RNASET2: variants seen among roughly 807,000 people sequenced by gnomAD.
The protein encoded by RNASET2 is ribonuclease T2.
A neutral mutation model predicts 33.9 loss-of-function variants in RNASET2; 28 were observed. The observed-to-expected ratio is 0.83, with a 90% confidence interval of 0.61 to 1.13. RNASET2 has a LOEUF of 1.13. Ranked by LOEUF, RNASET2 falls within the 50% of genes most tolerant of loss-of-function variation. The probability of loss-of-function intolerance (pLI) is 0.00; values close to 1 mark genes in which losing one functional copy is unlikely to be tolerated. For missense variants in RNASET2, 330 were observed against 319.9 expected (o/e 1.03, Z -0.24); for synonymous variants, 123 against 121.0 (o/e 1.02, Z -0.11).
intron 7 of RNASET2, chr6:166,932,453 C>G (rs1778470399): frequency 6.6e-6 from 1 of 152,550 alleles, no homozygotes; most frequent in Non-Finnish European, 1.5e-5. Flanking sequence ...GCCCCCAGCC[C>G]CCAGCTCTGC....
intron 2 of RNASET2, 127 bp downstream of exon 2, chr6:166,952,360 GC>G: frequency 2.4e-6 from 2 of 831,202 alleles, no homozygotes; most frequent in Non-Finnish European, 4.2e-6. Flanking sequence ...AGGAGACACC[GC>G]CCACCCGCCA....
rs1208036022 is a variant in RNASET2 at position 166,938,925 on chromosome 6, A to G, written c.416T>C (p.Leu139Pro). 1 of 1,613,814 alleles carries G rather than the reference A, an allele frequency of 6.2e-7. No individual in the cohort carries two copies. Among genetic ancestry groups the G allele is most frequent in the Non-Finnish European group, 8.5e-7 (1 of 1,179,862 alleles). Residue 139 changes from leucine to proline, a missense_variant, in exon 6 of 9, where the codon CTG (leucine) becomes CCG (proline). Coordinates refer to ENST00000508775, the MANE Select transcript of RNASET2 (RefSeq NM_003730.6). ...NSQKKYFGRS[L>P]ELYRELDLNS... ...GAGGTCCAGCTCCCTGTAGAGTTCCAGGCTTCTGCCAAAGTACTTCTTCTG... is the reference window on the plus strand; with the variant it reads ...GAGGTCCAGCTCCCTGTAGAGTTCCGGGCTTCTGCCAAAGTACTTCTTCTG...
Position 166,931,115 on chromosome 6 carries a change from C to T in RNASET2, c.496G>A (p.Ala166Thr). ...CTGGCAAGGGCATCTTTAAAATCTG[C>T]AACCTGATTTTAAATACAAGTGTAT... is the stretch of plus-strand genomic sequence containing the variant. ...IKPSINYYQV[A>T]DFKDALARVY... is the part of the protein sequence containing the mutation. The change falls in exon 8 of 9, where the codon GCA (alanine) becomes ACA (threonine). Residue 166 changes from alanine to threonine, a missense_variant. Coordinates refer to ENST00000508775, the MANE Select transcript of RNASET2 (RefSeq NM_003730.6). 1 of 1,596,750 alleles carries T rather than the reference C, an allele frequency of 6.3e-7. No individual in the cohort carries two copies.
rs61635852 is a variant in RNASET2, at chr6:166,942,058, C to CTTTTTT, written c.332+955_332+960dup. On this transcript the variant is annotated intron_variant, in intron 5 of 8. Coordinates refer to ENST00000508775, the MANE Select transcript of RNASET2 (RefSeq NM_003730.6). ...AGATCATCATTTTAGAAGACATCTT[C>CTTTTTT]TTTTTTTTTTTTGAGATGGAATCTT... 2.3e-4 allele frequency among the ~76,000 whole-genome samples: 29 copies of CTTTTTT among 127,210 alleles called. 5 individuals are homozygous for CTTTTTT. The highest frequency in any genetic ancestry group is 6.0e-4 in the Admixed American group (7 of 11,622). 83.5% of individuals were successfully genotyped at this position (127,210 alleles called of 152,430 possible). A position where few individuals can be genotyped will look rare whatever the true frequency, so the allele number is the denominator to read the frequency against.
intron 2 of RNASET2, among the ~76,000 whole-genome samples, chr6:166,951,888 T>G (rs1465898784): frequency 6.6e-6 from 1 of 152,134 alleles, no homozygotes; most frequent in Non-Finnish European, 1.5e-5. Flanking sequence ...AGGCTTGCTG[T>G]GGGTTGAACC....
At position 166,927,264 on chromosome 6, in the gene RNASET2, A is replaced by C. The variant is rs1484660661; in HGVS notation, c.*2324T>G. Among the ~76,000 whole-genome samples the C allele has an allele frequency of 6.6e-6, 1 of 152,140 alleles. No homozygotes were observed. Among genetic ancestry groups the C allele is most frequent in the Non-Finnish European group, 1.5e-5 (1 of 68,018 alleles). On this transcript the variant is annotated 3_prime_UTR_variant, in exon 9 of 9. Coordinates refer to ENST00000508775, the MANE Select transcript of RNASET2 (RefSeq NM_003730.6). ...GCCTTATACTTACATGATCTGAGGC[A>C]GGTTATCAAACGCTCATGTTCTACC...
rs1346914462 is a variant in RNASET2, at chr6:166,952,901, A to G, written c.87-353T>C. The stretch of plus-strand genomic sequence containing the variant: ...CACCTTTCTCCTAAGGATGCTCAAG[A>G]GAAATGCAGACCCACGATCCCTCCC... On this transcript the variant is annotated intron_variant, in intron 1 of 8. Transcript: ENST00000508775. The G allele has an allele frequency of 1.9e-5, 6 of 318,022 alleles. No homozygotes were observed. In the Admixed American group the frequency reaches 2.1e-4, roughly 11 times the overall value. 19.7% of individuals were successfully genotyped at this position (318,022 alleles called of 1,614,324 possible).
chr6:166,954,352 T>C (rs1227203071), intron 1 of RNASET2, among the ~76,000 whole-genome samples: 2 of 152,260 alleles, frequency 1.3e-5, no homozygotes, highest in African/African-American at 4.8e-5. Context: ...GATCCACATA[T>C]GACAGCCTGT....
Position 166,946,607 on chromosome 6 carries a change from T to C in RNASET2, c.261+75A>G. On this transcript the variant is annotated intron_variant, in intron 4 of 8. Transcript: ENST00000508775. ...GACCCCTTAATTTTAAAGATGACTTTGAAGGTACGCTTGTGAAGAAAAGAG... is the reference window on the plus strand; with the variant it reads ...GACCCCTTAATTTTAAAGATGACTTCGAAGGTACGCTTGTGAAGAAAAGAG... The C allele has an allele frequency of 3.6e-6, 3 of 834,560 alleles. No individual in the cohort carries two copies. In the South Asian group the frequency reaches 4.3e-5, roughly 12 times the overall value. The allele number at this position is 834,560 out of a possible 1,614,324, so 51.7% of individuals were successfully genotyped here.
chr6:166,946,526 G>A (rs1778849766), intron 4 of RNASET2, 156 bp downstream of exon 4: 2 of 661,748 alleles, frequency 3.0e-6, no homozygotes, highest in Non-Finnish European at 5.5e-6. Flanking sequence ...GTGGGGTCGA[G>A]ATAACAATAC....
At chr6:166,934,177 T>C in intron 6 of RNASET2, 41 bp from the exon 7 acceptor site, 1 of 1,283,192 alleles carries the variant, frequency 7.8e-7, no homozygotes, top group Non-Finnish European at 1.1e-6. Context: ...ATAATGAAGG[T>C]CCACTTTGCT....
chr6:166,924,588 G>C lies in RNASET2; in HGVS notation c.*5000C>G, dbSNP rs1289798849. The stretch of plus-strand genomic sequence containing the variant: ...GCAGTTGCTGTCTCCCTTTCTTCAG[G>C]TTCCGAGGAAGCCTTCCCTGGCCGC... On this transcript the variant is annotated 3_prime_UTR_variant, in exon 9 of 9. Coordinates refer to ENST00000508775, the MANE Select transcript of RNASET2 (RefSeq NM_003730.6). Among the ~76,000 whole-genome samples the C allele has an allele frequency of 5.3e-5, 8 of 152,064 alleles. No individual in the cohort carries two copies. The highest frequency in any genetic ancestry group is 1.7e-4 in the African/African-American group (7 of 41,406).
At chr6:166,930,951 G>T in intron 8 of RNASET2, 93 bp downstream of exon 8, 1 of 880,154 alleles carries the variant, frequency 1.1e-6, no homozygotes, top group Non-Finnish European at 2.0e-6. Context: ...ATACAAGTCT[G>T]CCCCAGGGAA....
At chr6:166,932,438 T>TCCCAGCC (rs1778469794) in intron 7 of RNASET2, 1 of 151,642 alleles carries the variant, frequency 6.6e-6, no homozygotes, top group Non-Finnish European at 1.5e-5. Flanking sequence ...GTCCCATATC[T>TCCCAGCC]CCCAGCCCCC....
At chr6:166,943,643 C>T (rs973811807) in intron 4 of RNASET2, 36 of 395,400 alleles carry the variant, frequency 9.1e-5, no homozygotes, top group African/African-American at 7.2e-4. Context: ...TCCAAAGCCG[C>T]ACAACACAGG....
At chr6:166,955,883 C>T in intron 1 of RNASET2, 1 of 695,526 alleles carries the variant, frequency 1.4e-6, no homozygotes, top group Non-Finnish European at 1.8e-6. Context: ...AGGGCTCCCC[C>T]CAACCCACTC....
intron 1 of RNASET2, chr6:166,952,792 G>C (rs1172377022): frequency 4.2e-6 from 2 of 480,210 alleles, no homozygotes; most frequent in Non-Finnish European, 7.7e-6. Flanking sequence ...GGGGAGGAGG[G>C]GAGAGGAGGG....
rs147917294 is a variant in RNASET2 at position 166,923,097 on chromosome 6, T to A, written c.*6491A>T. ...GATCTTAACTTTATCCATCTCAAACTTTCTTTTGGAGATGGAGTCTCACTC... is the reference window on the plus strand; with the variant it reads ...GATCTTAACTTTATCCATCTCAAACATTCTTTTGGAGATGGAGTCTCACTC... On this transcript the variant is annotated 3_prime_UTR_variant, in exon 9 of 9. Coordinates refer to ENST00000508775, the MANE Select transcript of RNASET2 (RefSeq NM_003730.6). Among the ~76,000 whole-genome samples, 342 of 152,330 alleles carry A rather than the reference T, an allele frequency of 2.2e-3. 1 individual carries two copies. The highest frequency in any genetic ancestry group is 0.01 in the Middle Eastern group (3 of 294).
chr6:166,925,154 C>T lies in RNASET2; in HGVS notation c.*4434G>A, dbSNP rs1778285719. Among the ~76,000 whole-genome samples, 1 of 106,260 alleles carries T rather than the reference C, an allele frequency of 9.4e-6. No individual in the cohort carries two copies. The highest frequency in any genetic ancestry group is 1.8e-5 in the Non-Finnish European group (1 of 56,886). 69.7% of individuals were successfully genotyped at this position (106,260 alleles called of 152,430 possible). ...CTGCCCAGGCCTCATCTACGCCATCCAGCCCTCACTCCTGCCGCCCAGCCC... is the reference window on the plus strand; with the variant it reads ...CTGCCCAGGCCTCATCTACGCCATCTAGCCCTCACTCCTGCCGCCCAGCCC... On this transcript the variant is annotated 3_prime_UTR_variant, in exon 9 of 9. Transcript: ENST00000508775.
Sources: allele counts gnomAD v4.1 joint callset (sites outside exome capture counted in the v4.1 genomes callset), GRCh38; gene constraint gnomAD v4.1.1; transcripts MANE v1.5; gene names NCBI Gene and HGNC (gene_info 2026-07-23, HGNC 2026-07-21).